LRRC37A2: variants seen among roughly 807,000 people sequenced by gnomAD.
The protein encoded by LRRC37A2 is leucine-rich repeat-containing protein 37A2.
Under a neutral mutation model 68.8 loss-of-function variants are expected in LRRC37A2, and 9 were observed. The ratio of observed to expected loss-of-function variants is 0.13; its 90% confidence interval spans 0.08 to 0.23. LRRC37A2 has a LOEUF of 0.23. LRRC37A2 is among the 10% of genes least tolerant of loss of function. The pLI, the probability that LRRC37A2 is intolerant of heterozygous loss-of-function variation, is 1.00. For synonymous variants in LRRC37A2, 63 were observed against 367.6 expected (o/e 0.17, Z 9.48); for missense variants, 168 against 950.4 (o/e 0.18, Z 10.82).
the LRRC37A2 span, among the ~76,000 whole-genome samples, chr17:46,962,519 G>A: frequency 2.6e-5 from 4 of 152,148 alleles, no homozygotes; most frequent in Non-Finnish European, 5.9e-5. Flanking sequence ...AATTATTGAG[G>A]TCTGGAAACT....
At chr17:46,828,462 C>A in the LRRC37A2 span, among the ~76,000 whole-genome samples, 9 of 152,248 alleles carry the variant, frequency 5.9e-5, no homozygotes, top group Admixed American at 2.0e-4. Flanking sequence ...CTCAGCCTCC[C>A]ACAGTGCTGG....
the LRRC37A2 span, among the ~76,000 whole-genome samples, chr17:46,809,531 G>C: frequency 3.3e-5 from 5 of 152,198 alleles, no homozygotes; most frequent in African/African-American, 4.8e-5. Context: ...GGAGGGAATG[G>C]CTTGTGCCTG....
At chr17:47,010,999 G>A in the LRRC37A2 span, among the ~76,000 whole-genome samples, 1 of 152,140 alleles carries the variant, frequency 6.6e-6, no homozygotes, top group African/African-American at 2.4e-5. Flanking sequence ...CTAGGGGTAG[G>A]AGGATGAGAG....
At chr17:46,942,363 T>TA in the LRRC37A2 span, among the ~76,000 whole-genome samples, 1 of 152,194 alleles carries the variant, frequency 6.6e-6, no homozygotes, top group Non-Finnish European at 1.5e-5. Flanking sequence ...CCCTCTCACT[T>TA]ATGTTCTCCA....
chr17:46,549,022 T>C lies in LRRC37A2; in HGVS notation c.3883T>C (p.Ser1295Pro), dbSNP rs1163239318. The C allele has an allele frequency of 4.3e-6, 7 of 1,612,078 alleles. No individual in the cohort carries two copies. In the African/African-American group the frequency reaches 9.5e-5, roughly 22 times the overall value. The change falls in exon 10 of 15, where the codon TCT becomes CCT. Residue 1295 changes from serine to proline, a missense_variant. Coordinates refer to ENST00000576629, the Ensembl canonical transcript of LRRC37A2. ...GGCTAGAGTTACAAATACGAAGACGTCTAAACCAATCGTACATGCCAGAAA... is the reference window on the plus strand; with the variant it reads ...GGCTAGAGTTACAAATACGAAGACGCCTAAACCAATCGTACATGCCAGAAA...
At chr17:46,708,575 T>A in the LRRC37A2 span, among the ~76,000 whole-genome samples, 1 of 139,948 alleles carries the variant, frequency 7.1e-6, no homozygotes, top group Non-Finnish European at 1.5e-5. Flanking sequence ...CACTGCAACC[T>A]CTGCCTCCCA....
chr17:46,843,591 C>T, the LRRC37A2 span, among the ~76,000 whole-genome samples: 1 of 152,210 alleles, frequency 6.6e-6, no homozygotes, highest in Non-Finnish European at 1.5e-5. Flanking sequence ...GCTGCACAGT[C>T]GTTAAATATG....
chr17:46,824,280 G>T, the LRRC37A2 span, among the ~76,000 whole-genome samples: 4 of 152,164 alleles, frequency 2.6e-5, no homozygotes, highest in African/African-American at 9.7e-5. Flanking sequence ...ACGGTGTCTT[G>T]CTCTGTCGCT....
At chr17:46,875,321 C>G in the LRRC37A2 span, 1 of 1,613,160 alleles carries the variant, frequency 6.2e-7, no homozygotes, top group Non-Finnish European at 8.5e-7. Flanking sequence ...GAAACAAGGA[C>G]CTGCGGGCAC....
the LRRC37A2 span, among the ~76,000 whole-genome samples, chr17:46,847,903 C>A: frequency 1.3e-5 from 2 of 151,892 alleles, no homozygotes; most frequent in South Asian, 4.2e-4. Flanking sequence ...CTGCAGACAT[C>A]CTGGAGCTAG....
chr17:46,818,575 A>T, the LRRC37A2 span: 30 of 1,605,908 alleles, frequency 1.9e-5, no homozygotes, highest in Admixed American at 4.4e-4. Context: ...GCCGAGGAGC[A>T]GCCCGAGCAG....
the LRRC37A2 span, chr17:47,027,565 C>T: frequency 3.0e-6 from 4 of 1,341,382 alleles, no homozygotes; most frequent in East Asian, 2.3e-5. Flanking sequence ...AGAGATTTAT[C>T]CTGCAATAAA....
chr17:46,813,518 G>A, the LRRC37A2 span, among the ~76,000 whole-genome samples: 6 of 151,742 alleles, frequency 4.0e-5, no homozygotes, highest in South Asian at 1.3e-3. Context: ...AGTTAGGAAT[G>A]AGGGGTGGAG....
chr17:46,534,086 A>T (rs1196684038), intron 6 of LRRC37A2, among the ~76,000 whole-genome samples: 90 of 138,092 alleles, frequency 6.5e-4, no homozygotes, highest in African/African-American at 2.5e-3. Context: ...ACCACTCACA[A>T]CGTTGCAGCC....
At chr17:46,867,715 G>C in the LRRC37A2 span, among the ~76,000 whole-genome samples, 1 of 141,486 alleles carries the variant, frequency 7.1e-6, no homozygotes, top group Non-Finnish European at 1.5e-5. Context: ...GTGTTGGAGA[G>C]TGTGAAAGGA....
chr17:46,977,415 A>G, the LRRC37A2 span, among the ~76,000 whole-genome samples: 1 of 152,224 alleles, frequency 6.6e-6, no homozygotes, highest in East Asian at 1.9e-4. Flanking sequence ...TCTCTCCTCC[A>G]GTGTCCCCAG....
chr17:46,891,436 G>C, the LRRC37A2 span, among the ~76,000 whole-genome samples: 3 of 152,160 alleles, frequency 2.0e-5, no homozygotes, highest in African/African-American at 4.8e-5. Context: ...CAGCTGTGCA[G>C]TGAGGACACC....
At chr17:46,795,923 CAT>C in the LRRC37A2 span, among the ~76,000 whole-genome samples, 203 of 152,234 alleles carry the variant, frequency 1.3e-3, 1 homozygote, top group African/African-American at 4.5e-3. Context: ...CGTGTGCACA[CAT>C]GTTAAATTCT....
the LRRC37A2 span, chr17:46,751,413 T>C: frequency 1.1e-6 from 1 of 923,026 alleles, no homozygotes; most frequent in Non-Finnish European, 1.7e-6. Context: ...AGGTAGTTCT[T>C]ATCACTCTTC....
Sources: allele counts gnomAD v4.1 joint callset (sites outside exome capture counted in the v4.1 genomes callset), GRCh38; gene constraint gnomAD v4.1.1; transcripts MANE v1.5; gene names NCBI Gene and HGNC (gene_info 2026-07-23, HGNC 2026-07-21).